Variants in ERC2 observed in about 807,000 individuals in gnomAD.
ERC2 encodes ELKS/RAB6-interacting/CAST family member 2.
Under a neutral mutation model 114.8 loss-of-function variants are expected in ERC2, and 42 were observed. The observed-to-expected ratio is 0.37, with a 90% confidence interval of 0.29 to 0.47. The LOEUF (loss-of-function observed/expected upper bound fraction) is 0.47. ERC2 is among the 20% of genes least tolerant of loss of function. ERC2 has a pLI of 0.99. For synonymous variants in ERC2, 454 were observed against 425.5 expected (o/e 1.07, Z -0.82); for missense variants, 939 against 1,150.7 (o/e 0.82, Z 2.66).
intron 6 of ERC2, among the ~76,000 whole-genome samples, chr3:56,110,982 G>A (rs1446595935): frequency 6.6e-6 from 1 of 152,066 alleles, no homozygotes; most frequent in Non-Finnish European, 1.5e-5. Context: ...CCTGATCACT[G>A]TCTCCCAGAT....
At chr3:56,313,303 C>T (rs938905133) in intron 2 of ERC2, among the ~76,000 whole-genome samples, 1 of 151,486 alleles carries the variant, frequency 6.6e-6, no homozygotes, top group Admixed American at 6.6e-5. Context: ...TGTGAATATA[C>T]TAAAAATCAC....
intron 17 of ERC2, among the ~76,000 whole-genome samples, chr3:55,575,111 T>A (rs556650700): frequency 7.6e-4 from 116 of 152,272 alleles, no homozygotes; most frequent in African/African-American, 2.6e-3. Context: ...CCCTCCTGGG[T>A]TCAAGTGATT....
rs1445528913 is a variant in ERC2 at position 56,459,813 on chromosome 3, G to A, written c.-141+8435C>T. Among the ~76,000 whole-genome samples the A allele has an allele frequency of 9.2e-5, 14 of 152,076 alleles. No individual in the cohort carries two copies. In the South Asian group the frequency reaches 2.7e-3, roughly 29 times the overall value. On this transcript the variant is annotated intron_variant, in intron 1 of 17. Transcript: ENST00000288221. ...TTTTCTTCTCTTCTTCCATGCACAC[G>A]CACTCTCTCTCTTTTTAATTTTGTT... is the stretch of plus-strand genomic sequence containing the variant.
intron 13 of ERC2, among the ~76,000 whole-genome samples, chr3:55,921,364 G>C (rs1028804960): frequency 6.6e-6 from 1 of 152,190 alleles, no homozygotes; most frequent in East Asian, 1.9e-4. Context: ...ATCTAGCTCT[G>C]AGAATTGCCT....
At chr3:56,157,181 C>T (rs896193002) in intron 4 of ERC2, among the ~76,000 whole-genome samples, 1 of 152,162 alleles carries the variant, frequency 6.6e-6, no homozygotes, top group Non-Finnish European at 1.5e-5. Flanking sequence ...CATATTGGGA[C>T]CTTGCTGTCC....
intron 3 of ERC2, among the ~76,000 whole-genome samples, chr3:56,282,745 G>T: frequency 6.6e-6 from 1 of 152,020 alleles, no homozygotes; most frequent in South Asian, 2.1e-4. Flanking sequence ...CCCAAGATGA[G>T]ATTCCATGAC....
chr3:55,722,021 C>T (rs1282887049), intron 15 of ERC2, among the ~76,000 whole-genome samples: 1 of 152,152 alleles, frequency 6.6e-6, no homozygotes, highest in Non-Finnish European at 1.5e-5. Context: ...GGATTTAGAC[C>T]TTCTGAGTTG....
chr3:56,010,936 G>A (rs2072879004), intron 8 of ERC2, among the ~76,000 whole-genome samples: 2 of 152,200 alleles, frequency 1.3e-5, no homozygotes, highest in Admixed American at 1.3e-4. Flanking sequence ...ACCTACCACA[G>A]CCTTGCACAG....
At chr3:55,649,427 ATT>A (rs1222225528) in intron 17 of ERC2, among the ~76,000 whole-genome samples, 1 of 151,816 alleles carries the variant, frequency 6.6e-6, no homozygotes, top group African/African-American at 2.4e-5. Flanking sequence ...GGTCTGGCTA[ATT>A]TTTGTATTTT....
intron 17 of ERC2, among the ~76,000 whole-genome samples, chr3:55,635,577 G>C (rs2059927009): frequency 6.6e-6 from 1 of 151,914 alleles, no homozygotes; most frequent in Non-Finnish European, 1.5e-5. Context: ...TTGTAATAGA[G>C]ACGGGGTTTT....
chr3:55,729,865 ATT>A lies in ERC2; in HGVS notation c.2712+4904_2712+4905del, dbSNP rs1559560793. ...AAAAAAAAAAAAAAAAAAAAAAAAA[ATT>A]GTAAGCTACACAAGGAAGCGGTCTT... On this transcript the variant is annotated intron_variant, in intron 15 of 17. Coordinates refer to ENST00000288221, the MANE Select transcript of ERC2 (RefSeq NM_015576.3). Among the ~76,000 whole-genome samples the A allele has an allele frequency of 2.8e-4, 41 of 145,482 alleles. 6 individuals carry two copies. The highest frequency in any genetic ancestry group is 1.0e-3 in the African/African-American group (38 of 36,594).
At chr3:56,361,534 T>C (rs1460514960) in intron 2 of ERC2, among the ~76,000 whole-genome samples, 1 of 152,120 alleles carries the variant, frequency 6.6e-6, no homozygotes, top group African/African-American at 2.4e-5. Flanking sequence ...AAAATATAAA[T>C]GGTCAAGACT....
chr3:55,824,719 T>G (rs553210662), intron 14 of ERC2, among the ~76,000 whole-genome samples: 1 of 152,312 alleles, frequency 6.6e-6, no homozygotes, highest in East Asian at 1.9e-4. Flanking sequence ...AATCAAAATT[T>G]CAGTGCCTTT....
At chr3:55,629,174 C>T (rs1016014018) in intron 17 of ERC2, among the ~76,000 whole-genome samples, 6 of 152,142 alleles carry the variant, frequency 3.9e-5, no homozygotes, top group Admixed American at 1.3e-4. Context: ...TCCTGGGCCT[C>T]GCGGCTCACT....
intron 14 of ERC2, among the ~76,000 whole-genome samples, chr3:55,749,734 C>T (rs1019826174): frequency 6.6e-6 from 1 of 152,156 alleles, no homozygotes; most frequent in East Asian, 1.9e-4. Flanking sequence ...TCTGGCCACC[C>T]CAGCCAGCAG....
chr3:56,233,547 T>C (rs368225045), intron 3 of ERC2, among the ~76,000 whole-genome samples: 5 of 151,198 alleles, frequency 3.3e-5, no homozygotes, highest in Middle Eastern at 3.2e-3. Flanking sequence ...CAGAGGCTGA[T>C]GCAGGAGAAT....
rs115697893 is a variant in ERC2, at chr3:56,147,492, C to T, written c.1305+1485G>A. On this transcript the variant is annotated intron_variant, in intron 5 of 17. Transcript: ENST00000288221. The stretch of plus-strand genomic sequence containing the variant: ...GCATACACACACACACACGCACACA[C>T]GTTGTGATGAAGTAAACACTGGATA... 9.3e-3 allele frequency among the ~76,000 whole-genome samples: 1,411 copies of T among 152,252 alleles called. 26 individuals carry two copies. Among genetic ancestry groups the T allele is most frequent in the African/African-American group, 0.032 (1,348 of 41,522 alleles).
chr3:56,079,370 CGGG>C (rs1204109381), intron 7 of ERC2, among the ~76,000 whole-genome samples: 2 of 152,090 alleles, frequency 1.3e-5, no homozygotes, highest in African/African-American at 4.8e-5. Flanking sequence ...ATGGGCAGCA[CGGG>C]TTCAGAATGA....
At position 55,952,171 on chromosome 3, in the gene ERC2, ACACACACACTCTCTCT is replaced by A. The variant is rs1213791211; in HGVS notation, c.2268-1627_2268-1612del. Reference sequence around the variant, plus strand: ...CACACACACACACACACACACACACACACACACACTCTCTCTCTCTCTCTCTCTATATATATATATA... The same window carrying A: ...CACACACACACACACACACACACACACTCTCTCTCTCTATATATATATATA... On this transcript the variant is annotated intron_variant, in intron 12 of 17. Transcript: ENST00000288221. 3.0e-3 allele frequency among the ~76,000 whole-genome samples: 183 copies of A among 60,098 alleles called. 6 individuals carry two copies. Among genetic ancestry groups the A allele is most frequent in the African/African-American group, 6.6e-3 (123 of 18,620 alleles). 39.4% of individuals were successfully genotyped at this position (60,098 alleles called of 152,430 possible).
Sources: allele counts gnomAD v4.1 joint callset (sites outside exome capture counted in the v4.1 genomes callset), GRCh38; gene constraint gnomAD v4.1.1; transcripts MANE v1.5; gene names NCBI Gene and HGNC (gene_info 2026-07-23, HGNC 2026-07-21).